Variants in PPM1H observed in about 807,000 individuals in gnomAD.
The protein encoded by PPM1H is protein phosphatase 1H.
In PPM1H, 27 loss-of-function variants were observed where a neutral mutation model predicts 54.9. The ratio of observed to expected loss-of-function variants is 0.49; its 90% CI spans 0.36 to 0.68. The LOEUF (loss-of-function observed/expected upper bound fraction) is 0.68, where lower values mean the gene tolerates loss of function less well. PPM1H is among the 30% of genes least tolerant of loss of function. The probability of loss-of-function intolerance (pLI) is 0.00; values close to 1 mark genes in which losing one functional copy is unlikely to be tolerated. For synonymous variants in PPM1H, 305 were observed against 270.8 expected, an observed-to-expected ratio of 1.13 and a Z score of -1.24; for missense variants, 596 against 667.8, an observed-to-expected ratio of 0.89 and a Z score of 1.19.
intron 4 of PPM1H, among the ~76,000 whole-genome samples, chr12:62,748,740 A>G (rs912971501): frequency 2.0e-5 from 3 of 152,148 alleles, no homozygotes; most frequent in African/African-American, 7.2e-5. Context: ...GAGGAAATTC[A>G]CATATATGTG....
intron 1 of PPM1H, among the ~76,000 whole-genome samples, chr12:62,899,154 A>G (rs1871083365): frequency 6.6e-6 from 1 of 152,238 alleles, no homozygotes; most frequent in African/African-American, 2.4e-5. Flanking sequence ...TGGTATCACA[A>G]AAGACTACTT....
intron 4 of PPM1H, among the ~76,000 whole-genome samples, chr12:62,753,879 G>T (rs187364960): frequency 6.6e-6 from 1 of 152,126 alleles, no homozygotes; most frequent in Non-Finnish European, 1.5e-5. Context: ...GGGCTTTCTT[G>T]TTCTGATTCT....
At chr12:62,659,281 A>AAAAAAAAAAAAAAAAAAAAAAAAAC (rs2075867912) in intron 9 of PPM1H, 1 of 502,442 alleles carries the variant, frequency 2.0e-6, no homozygotes, top group Non-Finnish European at 3.6e-6. Flanking sequence ...AAAAAAAAAA[A>AAAAAAAAAAAAAAAAAAAAAAAAAC]AAAAAAAAAA....
At chr12:62,775,195 G>T (rs1224035541) in intron 4 of PPM1H, among the ~76,000 whole-genome samples, 8 of 152,188 alleles carry the variant, frequency 5.3e-5, no homozygotes, top group Admixed American at 5.2e-4. Flanking sequence ...AGGTGTACAA[G>T]AGTGACTCAA....
intron 5 of PPM1H, among the ~76,000 whole-genome samples, chr12:62,724,735 CAATTA>C (rs1219695950): frequency 6.6e-6 from 1 of 152,098 alleles, no homozygotes. Context: ...AAAAAGCAGC[CAATTA>C]AAATATGTAT....
intron 4 of PPM1H, among the ~76,000 whole-genome samples, chr12:62,771,088 A>ACACACACACACAC (rs2076576823): frequency 1.5e-5 from 2 of 132,946 alleles, no homozygotes; most frequent in South Asian, 2.4e-4. Flanking sequence ...ACACACACAC[A>ACACACACACACAC]ACTGTGTTTT....
chr12:62,768,627 A>C (rs1035224374), intron 4 of PPM1H, among the ~76,000 whole-genome samples: 27 of 151,158 alleles, frequency 1.8e-4, no homozygotes, highest in African/African-American at 6.6e-4. Flanking sequence ...TGCACTCCAG[A>C]CTGGGCAACA....
chr12:62,774,753 C>A (rs1260233064), intron 4 of PPM1H, among the ~76,000 whole-genome samples: 1 of 152,152 alleles, frequency 6.6e-6, no homozygotes. Flanking sequence ...AGAGGCTCAG[C>A]AAACTGTTCA....
At chr12:62,711,285 C>G (rs78663010) in intron 6 of PPM1H, among the ~76,000 whole-genome samples, 9,765 of 152,318 alleles carry the variant, frequency 0.064, 417 homozygotes, top group Non-Finnish European at 0.096. Context: ...AGCCACTACA[C>G]CTGGCCTCAA....
intron 3 of PPM1H, among the ~76,000 whole-genome samples, chr12:62,798,042 G>A (rs1292332373): frequency 6.6e-6 from 1 of 152,138 alleles, no homozygotes; most frequent in Non-Finnish European, 1.5e-5. Flanking sequence ...CAACCAGAAA[G>A]GTGCTGTAAA....
intron 9 of PPM1H, chr12:62,659,215 A>G: frequency 1.5e-6 from 1 of 676,562 alleles, no homozygotes; most frequent in Non-Finnish European, 2.8e-6. Context: ...TGCAGCGAAG[A>G]AAATGGGTAG....
chr12:62,802,563 T>G (rs578130292), intron 2 of PPM1H, among the ~76,000 whole-genome samples: 1 of 110,530 alleles, frequency 9.0e-6, no homozygotes, highest in East Asian at 2.7e-4. Flanking sequence ...ACTCCTTAAC[T>G]CCCGTCTTTT....
chr12:62,813,815 G>A (rs1472134793), intron 2 of PPM1H, among the ~76,000 whole-genome samples: 1 of 152,148 alleles, frequency 6.6e-6, no homozygotes, highest in Non-Finnish European at 1.5e-5. Flanking sequence ...ATGATAGCAG[G>A]AAGTCTTTGC....
Position 62,922,100 on chromosome 12 carries a change from C to A in PPM1H, c.245+12392G>T, listed in dbSNP as rs539819976. The stretch of plus-strand genomic sequence containing the variant: ...TAGTCCAAAAATATAGTAATTTTGA[C>A]AAGGTTTGGACTGTTATACTTAGGA... On this transcript the variant is annotated intron_variant, in intron 1 of 9. Transcript: ENST00000228705. Among the ~76,000 whole-genome samples, 55 of 152,194 alleles carry A rather than the reference C, an allele frequency of 3.6e-4. 1 individual carries two copies. Among genetic ancestry groups the A allele is most frequent in the Non-Finnish European group, 6.2e-4 (42 of 68,014 alleles).
At chr12:62,837,569 A>G (rs1310239481) in intron 1 of PPM1H, among the ~76,000 whole-genome samples, 3 of 152,226 alleles carry the variant, frequency 2.0e-5, no homozygotes, top group African/African-American at 7.2e-5. Flanking sequence ...GAGAGAACTG[A>G]TTCAAACTTG....
intron 2 of PPM1H, among the ~76,000 whole-genome samples, chr12:62,823,909 G>C (rs985629036): frequency 6.6e-6 from 1 of 152,188 alleles, no homozygotes; most frequent in Non-Finnish European, 1.5e-5. Context: ...GGGCAATCAG[G>C]CAAGAGAAAG....
At chr12:62,782,459 C>T (rs1175843557) in intron 4 of PPM1H, among the ~76,000 whole-genome samples, 1 of 152,112 alleles carries the variant, frequency 6.6e-6, no homozygotes, top group African/African-American at 2.4e-5. Context: ...ATAGAGAAAG[C>T]TTTAACTGTA....
In PPM1H at chr12:62,798,807, G is replaced by A. The variant is rs2076750442; in HGVS notation, c.756+3009C>T. ...TTCTCAGGCTCGGTTTGTTACCCAG[G>A]TTTCCTGAGCCCCAGGGCATTCATT... On this transcript the variant is annotated intron_variant, in intron 3 of 9. Transcript: ENST00000228705. Among the ~76,000 whole-genome samples the A allele has an allele frequency of 2.6e-5, 4 of 152,184 alleles. No individual in the cohort carries two copies. The South Asian group carries it at 8.3e-4, about 32-fold the overall frequency.
chr12:62,788,520 T>A (rs2076686405), intron 3 of PPM1H, 182 bp from the exon 4 acceptor site: 2 of 508,086 alleles, frequency 3.9e-6, no homozygotes, highest in African/African-American at 1.9e-5. Context: ...GGCATAAAAC[T>A]GCCACATATT....
Sources: allele counts gnomAD v4.1 joint callset (sites outside exome capture counted in the v4.1 genomes callset), GRCh38; gene constraint gnomAD v4.1.1; transcripts MANE v1.5; gene names NCBI Gene and HGNC (gene_info 2026-07-23, HGNC 2026-07-21).